The following CNIH3 variants were observed in gnomAD, a reference collection of about 807,000 sequenced individuals.
CNIH3 encodes protein cornichon homolog 3.
CNIH3 carries 14 observed loss-of-function variants against 24.1 expected under a neutral mutation model. The ratio of observed to expected loss-of-function variants is 0.58; its 90% confidence interval spans 0.38 to 0.91. CNIH3 has a LOEUF of 0.91. Ranked by LOEUF, CNIH3 falls within the 40% of genes least tolerant of loss-of-function variation. The pLI is 0.00. For synonymous variants in CNIH3, 68 were observed against 73.8 expected (o/e 0.92, Z 0.40); for missense variants, 178 against 196.8 (o/e 0.90, Z 0.57).
chr1:224,508,807 A>G (rs1192832914), intron 1 of CNIH3, among the ~76,000 whole-genome samples: 3 of 152,212 alleles, frequency 2.0e-5, no homozygotes, highest in Non-Finnish European at 2.9e-5. Flanking sequence ...GTATTCCTGT[A>G]TTCTAGCCAA....
chr1:224,569,474 A>G (rs1680724301), intron 4 of CNIH3, among the ~76,000 whole-genome samples: 1 of 152,194 alleles, frequency 6.6e-6, no homozygotes, highest in Non-Finnish European at 1.5e-5. Context: ...CGATCTAGAC[A>G]AGACTTTTTC....
At chr1:224,544,081 T>G (rs927567570) in intron 2 of CNIH3, among the ~76,000 whole-genome samples, 1 of 152,198 alleles carries the variant, frequency 6.6e-6, no homozygotes, top group Non-Finnish European at 1.5e-5. Context: ...AGAGGTTCTT[T>G]CTGTGCTGTT....
intron 1 of CNIH3, among the ~76,000 whole-genome samples, chr1:224,627,392 AT>A (rs1393880069): frequency 2.0e-4 from 30 of 151,860 alleles, no homozygotes; most frequent in Non-Finnish European, 3.8e-4. Context: ...CACCCAGCTA[AT>A]TTTTGTATTT....
At chr1:224,651,026 G>A (rs1024883749) in intron 1 of CNIH3, among the ~76,000 whole-genome samples, 1 of 151,816 alleles carries the variant, frequency 6.6e-6, no homozygotes, top group African/African-American at 2.4e-5. Flanking sequence ...AGTAGATGGT[G>A]GGCTGGAGTG....
At chr1:224,548,690 A>G (rs980423909) in intron 3 of CNIH3, among the ~76,000 whole-genome samples, 34 of 151,264 alleles carry the variant, frequency 2.2e-4, no homozygotes, top group Admixed American at 2.1e-3. Flanking sequence ...TGATGGCAGT[A>G]CACCCTGTGT....
chr1:224,706,209 A>G (rs916257689), intron 3 of CNIH3, among the ~76,000 whole-genome samples: 1 of 152,124 alleles, frequency 6.6e-6, no homozygotes, highest in African/African-American at 2.4e-5. Flanking sequence ...ATAATAGAAT[A>G]TTAGGGCTAG....
chr1:224,635,069 T>C (rs1354541769), intron 1 of CNIH3, among the ~76,000 whole-genome samples: 1 of 152,162 alleles, frequency 6.6e-6, no homozygotes, highest in Non-Finnish European at 1.5e-5. Context: ...GACTCACAGT[T>C]CTGCATGGCT....
chr1:224,497,941 T>G (rs1388334571), intron 1 of CNIH3, among the ~76,000 whole-genome samples: 1 of 152,194 alleles, frequency 6.6e-6, no homozygotes, highest in East Asian at 1.9e-4. Flanking sequence ...CAAAGTGAGC[T>G]CATCACATTA....
chr1:224,442,910 C>CT (rs1674982716), intron 1 of CNIH3, among the ~76,000 whole-genome samples: 1 of 152,118 alleles, frequency 6.6e-6, no homozygotes, highest in Non-Finnish European at 1.5e-5. Context: ...GAACTTTTCC[C>CT]TTTTTGGGTA....
chr1:224,684,873 G>A lies in CNIH3; in HGVS notation c.198+30G>A. The A allele has an allele frequency of 6.2e-7, 1 of 1,608,118 alleles. No homozygotes were observed. The highest frequency in any genetic ancestry group is 8.5e-7 in the Non-Finnish European group (1 of 1,174,482). Reference sequence around the variant, plus strand: ...GTGTGGCAGCTTCATGCCGAGGATGGAGGATCGCATGGTGGTGGGTGGGCA... The same window carrying A: ...GTGTGGCAGCTTCATGCCGAGGATGAAGGATCGCATGGTGGTGGGTGGGCA... On this transcript the variant is annotated intron_variant, in intron 3 of 5. Transcript: ENST00000272133. The surrounding 1 kb of genome is among the most constrained non-coding windows in gnomAD (Gnocchi z 4.2).
At chr1:224,553,883 A>G (rs557362669) in intron 3 of CNIH3, among the ~76,000 whole-genome samples, 5 of 150,342 alleles carry the variant, frequency 3.3e-5, no homozygotes, top group South Asian at 4.2e-4. Context: ...TTGATCCTCT[A>G]TGGGTCTATA....
chr1:224,711,794 CAAAAAAAAAAAA>C lies in CNIH3; in HGVS notation c.199-18655_199-18644del, dbSNP rs11437581. On this transcript the variant is annotated intron_variant, in intron 3 of 5. Coordinates refer to ENST00000272133, the MANE Select transcript of CNIH3 (RefSeq NM_152495.2). Reference sequence around the variant, plus strand: ...TGGGTGACAGAGCCAGACCCTGTCTCAAAAAAAAAAAAAAAAAAAAAAAAGAACCAGGAAGTT... The same window carrying C: ...TGGGTGACAGAGCCAGACCCTGTCTCAAAAAAAAAAAAGAACCAGGAAGTT... Among the ~76,000 whole-genome samples the C allele has an allele frequency of 6.1e-5, 4 of 65,666 alleles. No homozygotes were observed. In the East Asian group the frequency reaches 1.8e-3, roughly 29 times the overall value. The allele number at this position is 65,666 out of a possible 152,430, so 43.1% of individuals were successfully genotyped here.
At chr1:224,711,968 A>C (rs915027997) in intron 3 of CNIH3, among the ~76,000 whole-genome samples, 2 of 152,102 alleles carry the variant, frequency 1.3e-5, no homozygotes, top group African/African-American at 2.4e-5. Flanking sequence ...TGCCTGCTGC[A>C]TCAGGTCCCA....
At chr1:224,589,792 G>A (rs1363941151), downstream of CNIH3, among the ~76,000 whole-genome samples, 1 of 152,154 alleles carries the variant, frequency 6.6e-6, no homozygotes, top group East Asian at 1.9e-4. Flanking sequence ...CAGGCAGGGG[G>A]TTTTCCAGCT....
chr1:224,656,608 A>T (rs1685110442), intron 1 of CNIH3, among the ~76,000 whole-genome samples: 1 of 152,206 alleles, frequency 6.6e-6, no homozygotes, highest in East Asian at 1.9e-4. Flanking sequence ...AGAGGGACTG[A>T]CTGGTTTTAC....
intron 1 of CNIH3, among the ~76,000 whole-genome samples, chr1:224,652,452 C>T (rs747608511): frequency 2.6e-5 from 4 of 152,082 alleles, no homozygotes; most frequent in Non-Finnish European, 5.9e-5. Flanking sequence ...CAGAAGTGTC[C>T]GTTCCAAGCA....
intron 3 of CNIH3, among the ~76,000 whole-genome samples, chr1:224,689,151 A>G (rs893808760): frequency 2.6e-5 from 4 of 152,100 alleles, no homozygotes; most frequent in Admixed American, 6.5e-5. Context: ...GCGTGCAAAC[A>G]TCTACTGCTT....
At chr1:224,659,749 A>G (rs1387177172) in intron 1 of CNIH3, among the ~76,000 whole-genome samples, 2 of 152,220 alleles carry the variant, frequency 1.3e-5, no homozygotes, top group Non-Finnish European at 2.9e-5. Context: ...CCTTACAGAT[A>G]AACATTTCAG....
intron 1 of CNIH3, among the ~76,000 whole-genome samples, chr1:224,449,441 C>T (rs1331998751): frequency 1.3e-5 from 2 of 152,146 alleles, no homozygotes; most frequent in Non-Finnish European, 2.9e-5. Context: ...AGACAGTAGC[C>T]TCCTAAATGT....
Sources: gnomAD v4.1 joint callset for allele counts (sites outside exome capture counted in the v4.1 genomes callset) on GRCh38, gnomAD v4.1.1 for gene constraint, Gnocchi (gnomAD v3.1) non-coding constraint, MANE v1.5 for transcripts, NCBI Gene and HGNC (gene_info 2026-07-23, HGNC 2026-07-21) for gene names.